Variants in ESRRG observed in about 807,000 individuals in gnomAD.
The protein encoded by ESRRG is estrogen-related receptor gamma.
Under a neutral mutation model 44.0 loss-of-function variants are expected in ESRRG, and 13 were observed. The observed-to-expected ratio is 0.30, with a 90% confidence interval of 0.19 to 0.47. ESRRG has a LOEUF of 0.47. ESRRG is among the 20% of genes least tolerant of loss of function. ESRRG has a pLI of 1.00. For missense variants in ESRRG, 395 were observed against 580.6 expected, an observed-to-expected ratio of 0.68 and a Z score of 3.29; for synonymous variants, 215 against 214.6, an observed-to-expected ratio of 1.00 and a Z score of -0.02.
chr1:217,015,159 C>T (rs1276445824), intron 1 of ESRRG, among the ~76,000 whole-genome samples: 1 of 152,156 alleles, frequency 6.6e-6, no homozygotes, highest in East Asian at 1.9e-4. Flanking sequence ...CAGTGCAGAA[C>T]CCCATATAGG....
intron 1 of ESRRG, among the ~76,000 whole-genome samples, chr1:216,984,270 ATTTTAAGATC>A (rs1416598819): frequency 6.6e-6 from 1 of 152,190 alleles, no homozygotes; most frequent in African/African-American, 2.4e-5. Context: ...CCTCGTGATC[ATTTTAAGATC>A]TTCTAATCCC....
intron 1 of ESRRG, among the ~76,000 whole-genome samples, chr1:217,111,523 T>C (rs2092661363): frequency 2.6e-5 from 4 of 152,172 alleles, no homozygotes; most frequent in Admixed American, 1.3e-4. Context: ...ATGGGAACAA[T>C]ATGAGTGAAC....
intron 2 of ESRRG, among the ~76,000 whole-genome samples, chr1:216,803,265 C>T (rs958132520): frequency 2.6e-5 from 4 of 152,230 alleles, no homozygotes; most frequent in Non-Finnish European, 4.4e-5. Context: ...CCACACTACA[C>T]GAGTACAAAA....
At chr1:216,765,285 T>C (rs2093017572) in intron 2 of ESRRG, among the ~76,000 whole-genome samples, 1 of 152,006 alleles carries the variant, frequency 6.6e-6, no homozygotes, top group Non-Finnish European at 1.5e-5. Flanking sequence ...ACTAAAACAC[T>C]ATTAACAACA....
At chr1:216,734,904 C>CTTTTTTTTTTTTTTTT (rs11309409) in intron 2 of ESRRG, among the ~76,000 whole-genome samples, 1 of 100,374 alleles carries the variant, frequency 1.0e-5, no homozygotes. Flanking sequence ...GTTCCATATT[C>CTTTTTTTTTTTTTTTT]TTTTTTTTTT....
intron 1 of ESRRG, among the ~76,000 whole-genome samples, chr1:217,080,671 G>GTTT (rs34598045): frequency 6.4e-4 from 42 of 65,232 alleles, no homozygotes; most frequent in African/African-American, 2.4e-3. Flanking sequence ...TGTTTTTTTG[G>GTTT]TTTTTTTTTT....
intron 3 of ESRRG, among the ~76,000 whole-genome samples, chr1:216,645,556 A>G (rs1048634954): frequency 6.6e-6 from 1 of 152,006 alleles, no homozygotes; most frequent in Non-Finnish European, 1.5e-5. Context: ...AGTATTAGGT[A>G]GACGAGAAAT....
At position 217,023,017 on chromosome 1, in the gene ESRRG, G is replaced by C. The variant is rs78529724; in HGVS notation, c.-106+66490C>G. 2.6e-5 allele frequency among the ~76,000 whole-genome samples: 4 copies of C among 152,260 alleles called. No individual in the cohort carries two copies. In the East Asian group the frequency reaches 7.7e-4, roughly 29 times the overall value. On this transcript the variant is annotated intron_variant, in intron 1 of 7. Coordinates refer to the ESRRG transcript ENST00000359162. ...CATTTCTGAAAACTAATCTAGTGTA[G>C]AGGCACAGAAAATAGCCAAATCAGT...
intron 5 of ESRRG, among the ~76,000 whole-genome samples, chr1:216,543,217 T>C (rs1476924573): frequency 6.6e-6 from 1 of 152,026 alleles, no homozygotes; most frequent in African/African-American, 2.4e-5. Context: ...ATCCATTAAA[T>C]CCATGGAATG....
chr1:216,947,485 T>C (rs2066233377), intron 1 of ESRRG, among the ~76,000 whole-genome samples: 1 of 152,176 alleles, frequency 6.6e-6, no homozygotes, highest in Non-Finnish European at 1.5e-5. Context: ...TAAACGGGCT[T>C]CCTCAGATGT....
chr1:216,808,140 G>T (rs1421521733), intron 2 of ESRRG, among the ~76,000 whole-genome samples: 1 of 152,088 alleles, frequency 6.6e-6, no homozygotes, highest in East Asian at 1.9e-4. Context: ...TCAGGGAGGG[G>T]TCTCTTTGAT....
intron 2 of ESRRG, among the ~76,000 whole-genome samples, chr1:216,916,834 C>CTTTTTTTTGTTT (rs2061235386): frequency 1.6e-5 from 1 of 62,466 alleles, no homozygotes; most frequent in Non-Finnish European, 2.8e-5. Flanking sequence ...CAGCTTTGGT[C>CTTTTTTTTGTTT]TTTTTTTTTT....
At position 216,640,957 on chromosome 1, in the gene ESRRG, G is replaced by A. The variant is rs2066299315; in HGVS notation, c.589+10016C>T. 2.0e-5 allele frequency among the ~76,000 whole-genome samples: 3 copies of A among 152,074 alleles called. No homozygotes were observed. In the South Asian group the frequency reaches 6.2e-4, roughly 32 times the overall value. Reference sequence around the variant, plus strand: ...AGTGCCTGAGCAAATGTTCAAGCAGGTTTCCCCTGCTTGGGGCTAAATCCA... The same window carrying A: ...AGTGCCTGAGCAAATGTTCAAGCAGATTTCCCCTGCTTGGGGCTAAATCCA... On this transcript the variant is annotated intron_variant, in intron 3 of 6. Transcript: ENST00000408911.
intron 1 of ESRRG, among the ~76,000 whole-genome samples, chr1:217,003,644 C>T (rs2077360533): frequency 6.8e-6 from 1 of 147,394 alleles, no homozygotes; most frequent in Admixed American, 6.7e-5. Context: ...GCTAACCAAA[C>T]TCAAGAGTAT....
chr1:216,893,121 A>G (rs1426657325), intron 2 of ESRRG, among the ~76,000 whole-genome samples: 1 of 152,210 alleles, frequency 6.6e-6, no homozygotes, highest in Non-Finnish European at 1.5e-5. Context: ...TCGTTGAAAC[A>G]AAACAAATAT....
intron 1 of ESRRG, among the ~76,000 whole-genome samples, chr1:216,951,870 A>G (rs1435919340): frequency 4.0e-5 from 6 of 150,678 alleles, no homozygotes; most frequent in Non-Finnish European, 8.9e-5. Flanking sequence ...ATATACACAT[A>G]CTATATATAC....
At chr1:216,537,678 T>G (rs543173448) in intron 5 of ESRRG, among the ~76,000 whole-genome samples, 1 of 152,220 alleles carries the variant, frequency 6.6e-6, no homozygotes, top group South Asian at 2.1e-4. Flanking sequence ...GGATCTGATT[T>G]GTATTTTGAA....
chr1:216,613,480 G>C (rs1172722002), intron 3 of ESRRG, among the ~76,000 whole-genome samples: 1 of 152,118 alleles, frequency 6.6e-6, no homozygotes, highest in Non-Finnish European at 1.5e-5. Context: ...TACATTATCT[G>C]TAATTCTGGG....
At chr1:216,543,339 A>G (rs2053465474) in intron 5 of ESRRG, among the ~76,000 whole-genome samples, 1 of 151,942 alleles carries the variant, frequency 6.6e-6, no homozygotes, top group African/African-American at 2.4e-5. Context: ...AAGTTTAGGG[A>G]TAAAAATCTA....
Sources: allele counts gnomAD v4.1 joint callset (sites outside exome capture counted in the v4.1 genomes callset), GRCh38; gene constraint gnomAD v4.1.1; transcripts MANE v1.5; gene names NCBI Gene and HGNC (gene_info 2026-07-23, HGNC 2026-07-21).